The following PLD5 variants were observed in gnomAD, a reference collection of about 807,000 sequenced individuals.
PLD5 encodes inactive phospholipase D5.
Under a neutral mutation model 61.1 loss-of-function variants are expected in PLD5, and 36 were observed. The ratio of observed to expected loss-of-function variants is 0.59; its 90% confidence interval spans 0.45 to 0.78. The LOEUF (loss-of-function observed/expected upper bound fraction) is 0.78. Among genes scored for constraint, PLD5 ranks in the 30% least tolerant of loss-of-function variants. The pLI, the probability that PLD5 is intolerant of heterozygous loss-of-function variation, is 0.00. For synonymous variants in PLD5, 243 were observed against 242.8 expected, an observed-to-expected ratio of 1.00 and a Z score of -0.01; for missense variants, 515 against 644.4, an observed-to-expected ratio of 0.80 and a Z score of 2.17.
At chr1:242,117,823 T>C (rs9659171) in intron 6 of PLD5, among the ~76,000 whole-genome samples, 8,961 of 152,262 alleles carry the variant, frequency 0.059, 860 homozygotes, top group African/African-American at 0.2. Context: ...GATTGTATGT[T>C]ACTCATTTTC....
intron 5 of PLD5, among the ~76,000 whole-genome samples, chr1:242,158,329 C>T (rs562053202): frequency 2.0e-5 from 3 of 152,220 alleles, no homozygotes; most frequent in South Asian, 2.1e-4. Context: ...AGTTCTGTCT[C>T]GCTGGCCTCC....
At chr1:242,432,009 A>T (rs1238626648) in intron 1 of PLD5, among the ~76,000 whole-genome samples, 1 of 152,174 alleles carries the variant, frequency 6.6e-6, no homozygotes, top group African/African-American at 2.4e-5. Context: ...AAGTGACATC[A>T]TCCAGCATCA....
intron 2 of PLD5, among the ~76,000 whole-genome samples, chr1:242,311,055 T>G (rs553280634): frequency 1.3e-5 from 2 of 152,028 alleles, no homozygotes; most frequent in African/African-American, 2.4e-5. Flanking sequence ...AAAAAAACCC[T>G]CAACAGCCTA....
chr1:242,235,433 G>T (rs962026638), intron 4 of PLD5: 3 of 152,168 alleles, frequency 2.0e-5, no homozygotes, highest in Non-Finnish European at 4.4e-5. Flanking sequence ...CCAGCAGAAA[G>T]CTCAGTGTAT....
chr1:242,514,241 T>C (rs1669028182), intron 1 of PLD5, among the ~76,000 whole-genome samples: 1 of 152,234 alleles, frequency 6.6e-6, no homozygotes, highest in African/African-American at 2.4e-5. Context: ...ATATACTTGT[T>C]AAGTCACTGC....
intron 1 of PLD5, among the ~76,000 whole-genome samples, chr1:242,418,175 A>C (rs1664932480): frequency 7.1e-6 from 1 of 141,348 alleles, no homozygotes; most frequent in African/African-American, 2.4e-5. Flanking sequence ...CTTGGATCTG[A>C]AATCTGAGAG....
At chr1:242,224,916 ATCAGAATG>A in intron 4 of PLD5, among the ~76,000 whole-genome samples, 1 of 152,294 alleles carries the variant, frequency 6.6e-6, no homozygotes, top group South Asian at 2.1e-4. Context: ...CATCACCGCA[ATCAGAATG>A]CAAAACAGTG....
chr1:242,368,433 G>A (rs1425087135), intron 1 of PLD5, among the ~76,000 whole-genome samples: 1 of 152,072 alleles, frequency 6.6e-6, no homozygotes, highest in Non-Finnish European at 1.5e-5. Context: ...AATTTAATAG[G>A]CAAAAGAAAG....
rs141070061 is a variant in PLD5, at chr1:242,107,734, C to T, written c.1176G>A (p.Thr392=). The change falls in exon 8 of 10, where the codon ACG becomes ACA. Residue 392 remains threonine (T), a synonymous_variant. Coordinates refer to ENST00000536534, the MANE Select transcript of PLD5 (RefSeq NM_001372062.1). ...LSFWKETDPL[T]FNFISSLKAI... ...CTTTAAGAGATGAAATAAAGTTAAACGTAAGGGGATCAGTTTCCTTCCAGA... is the reference window on the plus strand; with the variant it reads ...CTTTAAGAGATGAAATAAAGTTAAATGTAAGGGGATCAGTTTCCTTCCAGA... 2.4e-4 allele frequency: 388 copies of T among 1,611,322 alleles called. No homozygotes were observed. Among genetic ancestry groups the T allele is most frequent in the Non-Finnish European group, 3.2e-4 (381 of 1,179,410 alleles).
At chr1:242,250,967 G>T (rs914034098) in intron 4 of PLD5, among the ~76,000 whole-genome samples, 36 of 152,322 alleles carry the variant, frequency 2.4e-4, no homozygotes, top group Admixed American at 2.2e-3. Context: ...TGGAGGAGGA[G>T]AAGGAAATCA....
chr1:242,132,974 A>G (rs1304855642), intron 5 of PLD5, among the ~76,000 whole-genome samples: 1 of 152,070 alleles, frequency 6.6e-6, no homozygotes. Context: ...AAGTAACAAA[A>G]GGATCAGAGG....
intron 1 of PLD5, among the ~76,000 whole-genome samples, chr1:242,515,151 G>A (rs754948983): frequency 1.3e-4 from 20 of 151,950 alleles, no homozygotes; most frequent in Admixed American, 1.0e-3. Context: ...AGAAGTAATC[G>A]CTAATTCTGA....
intron 1 of PLD5, among the ~76,000 whole-genome samples, chr1:242,360,068 C>T (rs1185583555): frequency 1.3e-5 from 2 of 152,066 alleles, no homozygotes; most frequent in South Asian, 2.1e-4. Context: ...AACTCAAAAT[C>T]GTAAAGCAAT....
chr1:242,118,444 T>C (rs770270195), intron 6 of PLD5, among the ~76,000 whole-genome samples: 1 of 152,262 alleles, frequency 6.6e-6, no homozygotes, highest in Non-Finnish European at 1.5e-5. Flanking sequence ...TAGCGCATGT[T>C]ACATGGCATT....
chr1:242,376,458 T>A (rs995178201), intron 1 of PLD5, among the ~76,000 whole-genome samples: 3 of 152,194 alleles, frequency 2.0e-5, no homozygotes, highest in African/African-American at 7.2e-5. Flanking sequence ...CACAATTACT[T>A]ACTATTTATG....
intron 2 of PLD5, among the ~76,000 whole-genome samples, chr1:242,345,001 C>G (rs541963949): frequency 1.3e-5 from 2 of 152,286 alleles, no homozygotes; most frequent in East Asian, 3.9e-4. Flanking sequence ...CATCAGATCT[C>G]GTGAGACTTA....
intron 1 of PLD5, among the ~76,000 whole-genome samples, chr1:242,434,222 C>T (rs952283508): frequency 5.3e-5 from 8 of 152,098 alleles, no homozygotes; most frequent in Non-Finnish European, 7.4e-5. Context: ...TGGTGGATGG[C>T]GGTCAGTTTC....
At chr1:242,271,423 T>A (rs1426095636) in intron 3 of PLD5, among the ~76,000 whole-genome samples, 2 of 151,772 alleles carry the variant, frequency 1.3e-5, no homozygotes, top group African/African-American at 2.4e-5. Context: ...TGAAGGCAAA[T>A]TTGAAAAAAA....
In PLD5 at chr1:242,166,422, GC is replaced by G. The variant is rs370338060; in HGVS notation, c.736-41758del. On this transcript the variant is annotated intron_variant, in intron 5 of 9. Transcript: ENST00000536534. ...GGTGCTGAAACCCCAAGTTAGCTGGGCCCTCTCAAAACAACACTTGCCTCTA... is the reference window on the plus strand; with the variant it reads ...GGTGCTGAAACCCCAAGTTAGCTGGGCCTCTCAAAACAACACTTGCCTCTA... Among the ~76,000 whole-genome samples the G allele has an allele frequency of 1.9e-3, 286 of 152,168 alleles. 1 individual carries two copies. Among genetic ancestry groups the G allele is most frequent in the African/African-American group, 6.5e-3 (269 of 41,436 alleles).
Sources: gnomAD v4.1 joint callset for allele counts (sites outside exome capture counted in the v4.1 genomes callset) on GRCh38, gnomAD v4.1.1 for gene constraint, MANE v1.5 for transcripts, NCBI Gene and HGNC (gene_info 2026-07-23, HGNC 2026-07-21) for gene names.